Variants in EPS15 observed in about 807,000 individuals in gnomAD.
The protein encoded by EPS15 is epidermal growth factor receptor substrate 15.
In EPS15, 72 loss-of-function variants were observed where a neutral mutation model predicts 113.8. That is an observed-to-expected ratio of 0.63 (90% CI 0.52 to 0.77). The LOEUF (loss-of-function observed/expected upper bound fraction) is 0.77, where lower values mean the gene tolerates loss of function less well. Ranked by LOEUF, EPS15 falls within the 30% of genes least tolerant of loss-of-function variation. The pLI, the probability that EPS15 is intolerant of heterozygous loss-of-function variation, is 0.00. For synonymous variants in EPS15, 344 were observed against 363.4 expected, an observed-to-expected ratio of 0.95 and a Z score of 0.61; for missense variants, 1,048 against 1,045.8, an observed-to-expected ratio of 1.00 and a Z score of -0.03.
chr1:51,472,022 TG>T (rs1484645911), intron 3 of EPS15, among the ~76,000 whole-genome samples: 106 of 151,858 alleles, frequency 7.0e-4, no homozygotes, highest in African/African-American at 2.5e-3. Flanking sequence ...TTTTTTTTTT[TG>T]ATCATCAGCT....
At chr1:51,379,104 C>T (rs1032850607) in intron 21 of EPS15, among the ~76,000 whole-genome samples, 8 of 152,110 alleles carry the variant, frequency 5.3e-5, no homozygotes, top group African/African-American at 1.2e-4. Flanking sequence ...ACTCATCATG[C>T]AGAAGGGATC....
chr1:51,505,662 T>A (rs975004865), intron 1 of EPS15, among the ~76,000 whole-genome samples: 3 of 152,174 alleles, frequency 2.0e-5, no homozygotes, highest in Admixed American at 6.5e-5. Flanking sequence ...TTGTATGGTA[T>A]GTGAATTACA....
chr1:51,469,816 A>G (rs1040768333), intron 4 of EPS15, among the ~76,000 whole-genome samples: 1 of 152,140 alleles, frequency 6.6e-6, no homozygotes, highest in African/African-American at 2.4e-5. Context: ...ATTAGCTAGA[A>G]AAACTACCGC....
In EPS15 at chr1:51,356,360, G is replaced by C. The variant is rs1175875525; in HGVS notation, c.*340C>G. On this transcript the variant is annotated 3_prime_UTR_variant, in exon 25 of 25. Transcript: ENST00000371733. ...TAACTACAGAACAGGGTAGTGCAGG[G>C]TGAAACTATTTCTCTATATTCCAGA... 1 of 274,792 alleles carries C rather than the reference G, an allele frequency of 3.6e-6. No homozygotes were observed. The highest frequency in any genetic ancestry group is 6.9e-6 in the Non-Finnish European group (1 of 145,518). 17.0% of individuals were successfully genotyped at this position (274,792 alleles called of 1,614,324 possible). A position where few individuals can be genotyped will look rare whatever the true frequency, so the allele number is the denominator to read the frequency against.
chr1:51,487,596 C>A (rs1226869212), intron 1 of EPS15, among the ~76,000 whole-genome samples: 2 of 151,944 alleles, frequency 1.3e-5, no homozygotes, highest in African/African-American at 4.8e-5. Flanking sequence ...TATGTTCCCT[C>A]AATAATAAAA....
At chr1:51,473,871 G>A (rs1280823530) in intron 2 of EPS15, among the ~76,000 whole-genome samples, 8 of 152,154 alleles carry the variant, frequency 5.3e-5, no homozygotes, top group Admixed American at 5.2e-4. Context: ...GAAAAATCAT[G>A]CACTCAGCAA....
chr1:51,410,297 G>T (rs1240494482), intron 13 of EPS15, among the ~76,000 whole-genome samples: 3 of 151,794 alleles, frequency 2.0e-5, no homozygotes, highest in African/African-American at 7.3e-5. Context: ...AGGCTGAGAT[G>T]GGAGGATCTC....
At chr1:51,361,408 C>T in intron 23 of EPS15, 53 bp from the exon 24 acceptor site, 1 of 1,354,736 alleles carries the variant, frequency 7.4e-7, no homozygotes, top group South Asian at 1.2e-5. Context: ...CAAATACAAG[C>T]ACACAAGAAC....
At chr1:51,467,937 T>A (rs1021892409) in intron 5 of EPS15, among the ~76,000 whole-genome samples, 2 of 152,026 alleles carry the variant, frequency 1.3e-5, no homozygotes, top group Non-Finnish European at 2.9e-5. Context: ...ACAATTAAAG[T>A]AAAATAAGAA....
Position 51,399,045 on chromosome 1 carries a change from C to T in EPS15, c.2039G>A (p.Ser680Asn), listed in dbSNP as rs1048193584. Residue 680 changes from serine (S) to asparagine (N), a missense_variant, in exon 20 of 25, where the codon AGC becomes AAC. Physicochemically the swap from Ser to Asn is conservative, Grantham distance 46. Coordinates refer to ENST00000371733, the MANE Select transcript of EPS15 (RefSeq NM_001981.3). ...TCTCCCACTTACCGATGTAATACTG[C>T]TATTGTTGGCTGCACTGAAAGGGTC... ...STDPFSAANN[S>N]SITSVETLKH... is the part of the protein sequence containing the mutation. 1.2e-6 allele frequency: 2 copies of T among 1,613,452 alleles called. No individual in the cohort carries two copies. Among genetic ancestry groups the T allele is most frequent in the Non-Finnish European group, 1.7e-6 (2 of 1,179,716 alleles).
At chr1:51,436,667 G>A (rs1311459525) in intron 12 of EPS15, among the ~76,000 whole-genome samples, 2 of 152,136 alleles carry the variant, frequency 1.3e-5, no homozygotes, top group African/African-American at 4.8e-5. Flanking sequence ...TCTCCCAGAG[G>A]AAATGATGTC....
chr1:51,440,277 CTGTGTGTG>C (rs3040220), intron 12 of EPS15, 62 bp downstream of exon 12: 5,378 of 444,202 alleles, frequency 0.012, 131 homozygotes, highest in African/African-American at 0.081. Context: ...TATACATGTA[CTGTGTGTG>C]TGTGTGTGTG....
rs147618468 is a variant in EPS15, at chr1:51,356,825, T to C, written c.2566A>G (p.Ile856Val). 4.1e-5 allele frequency: 66 copies of C among 1,613,234 alleles called. No individual in the cohort carries two copies. Among genetic ancestry groups the C allele is most frequent in the Non-Finnish European group, 5.5e-5 (65 of 1,179,696 alleles). The stretch of plus-strand genomic sequence containing the variant: ...TCACTTTCCCTCTTGGCCCATTCGA[T>C]CATATCTTCTTCAGAGGGATACTGC... ...FSAYPSEEDM[I>V]EWAKRESERE... Residue 856 changes from isoleucine to valine, a missense_variant, in exon 25 of 25, where the codon ATC (isoleucine) becomes GTC (valine). Ile to Val is a conservative substitution (Grantham distance 29). Coordinates refer to ENST00000371733, the MANE Select transcript of EPS15 (RefSeq NM_001981.3).
intron 1 of EPS15, among the ~76,000 whole-genome samples, chr1:51,510,902 C>A (rs1041851002): frequency 6.6e-6 from 1 of 152,152 alleles, no homozygotes; most frequent in African/African-American, 2.4e-5. Flanking sequence ...CGATGGCTCA[C>A]GCCTGTAATC....
intron 12 of EPS15, among the ~76,000 whole-genome samples, chr1:51,428,826 CA>C (rs902706524): frequency 0.12 from 6,427 of 53,828 alleles, 61 homozygotes; most frequent in Non-Finnish European, 0.15. Context: ...GACTCCATCT[CA>C]AAAAAAAAAA....
chr1:51,373,426 T>C (rs551334592), intron 21 of EPS15, among the ~76,000 whole-genome samples: 28 of 152,312 alleles, frequency 1.8e-4, no homozygotes, highest in Non-Finnish European at 2.1e-4. Context: ...AGGCTTCAGA[T>C]TGTATGAGAA....
intron 1 of EPS15, among the ~76,000 whole-genome samples, chr1:51,506,638 G>A (rs1644503170): frequency 1.3e-5 from 2 of 151,928 alleles, no homozygotes; most frequent in South Asian, 2.1e-4. Context: ...AGCAGAAAAC[G>A]TGCCAAGCAG....
chr1:51,387,003 A>G (rs1647097308), intron 21 of EPS15, among the ~76,000 whole-genome samples: 1 of 152,176 alleles, frequency 6.6e-6, no homozygotes. Context: ...GAGCAACTCC[A>G]AGACACTTAA....
At chr1:51,436,002 A>G (rs1321622879) in intron 12 of EPS15, among the ~76,000 whole-genome samples, 1 of 152,202 alleles carries the variant, frequency 6.6e-6, no homozygotes, top group African/African-American at 2.4e-5. Context: ...TTGAAGTAAG[A>G]GGTAATAAAC....
Sources: gnomAD v4.1 joint callset for allele counts (sites outside exome capture counted in the v4.1 genomes callset) on GRCh38, gnomAD v4.1.1 for gene constraint, MANE v1.5 for transcripts, NCBI Gene and HGNC (gene_info 2026-07-23, HGNC 2026-07-21) for gene names.